The following FAM13B variants were observed in gnomAD, a reference collection of about 807,000 sequenced individuals.
The protein encoded by FAM13B is family with sequence similarity 13 member B.
FAM13B carries 60 observed loss-of-function variants against 117.3 expected under a neutral mutation model. That is an observed-to-expected ratio of 0.51 (90% CI 0.42 to 0.63). The LOEUF (loss-of-function observed/expected upper bound fraction) is 0.63. Ranked by LOEUF, FAM13B falls within the 30% of genes least tolerant of loss-of-function variation. The pLI, the probability that FAM13B is intolerant of heterozygous loss-of-function variation, is 0.00. For missense variants in FAM13B, 972 were observed against 1,091.9 expected (o/e 0.89, Z 1.55); for synonymous variants, 332 against 356.1 (o/e 0.93, Z 0.76).
intron 1 of FAM13B, chr5:138,038,527 A>C (rs1490510324): frequency 6.6e-6 from 1 of 152,250 alleles, no homozygotes; most frequent in East Asian, 1.9e-4. Flanking sequence ...CTAAAAACAC[A>C]TCAAATTTAA....
At chr5:137,983,226 T>G (rs1776331486) in intron 10 of FAM13B, among the ~76,000 whole-genome samples, 2 of 123,346 alleles carry the variant, frequency 1.6e-5, no homozygotes, top group African/African-American at 3.1e-5. Context: ...CCGAGTGAGA[T>G]ATCCTGAATG....
chr5:137,992,484 C>T (rs1471083470), intron 7 of FAM13B, among the ~76,000 whole-genome samples: 1 of 151,878 alleles, frequency 6.6e-6, no homozygotes, highest in African/African-American at 2.4e-5. Context: ...ATCCCAGCTA[C>T]TCGGGAGGCT....
chr5:137,964,996 G>GT (rs2150330275), intron 10 of FAM13B, among the ~76,000 whole-genome samples: 1 of 151,874 alleles, frequency 6.6e-6, no homozygotes, highest in East Asian at 1.9e-4. Flanking sequence ...GTGAAATCCC[G>GT]TCTACTAAAA....
intron 10 of FAM13B, among the ~76,000 whole-genome samples, chr5:137,976,810 A>G (rs181001828): frequency 2.5e-4 from 38 of 152,196 alleles, no homozygotes; most frequent in Non-Finnish European, 2.9e-5. Context: ...ACTGAGGAGG[A>G]TGTATTTCGC....
chr5:137,959,800 G>A (rs780442110), intron 12 of FAM13B, 37 bp from the exon 13 acceptor site: 32 of 1,601,058 alleles, frequency 2.0e-5, no homozygotes, highest in East Asian at 1.6e-4. Context: ...TCACAACTAC[G>A]GAAGCTTTTC....
chr5:137,950,630 C>A (rs367948020), intron 17 of FAM13B, among the ~76,000 whole-genome samples: 1 of 152,046 alleles, frequency 6.6e-6, no homozygotes, highest in East Asian at 1.9e-4. Context: ...ACCTCCTAGG[C>A]CTAAGTGGTC....
At chr5:137,983,646 A>T (rs1421414670) in intron 10 of FAM13B, among the ~76,000 whole-genome samples, 1 of 152,216 alleles carries the variant, frequency 6.6e-6, no homozygotes, top group Non-Finnish European at 1.5e-5. Context: ...GCAATAACTG[A>T]AAAGCTGTTC....
intron 1 of FAM13B, among the ~76,000 whole-genome samples, chr5:138,045,300 G>A (rs1791610293): frequency 6.6e-6 from 1 of 152,150 alleles, no homozygotes. Flanking sequence ...TTGGGAGGCT[G>A]AGGCAGGCAG....
At chr5:138,005,498 G>A (rs1782317786) in intron 7 of FAM13B, among the ~76,000 whole-genome samples, 1 of 151,458 alleles carries the variant, frequency 6.6e-6, no homozygotes, top group African/African-American at 2.4e-5. Context: ...GTACTGACAA[G>A]CTAGCTGAAA....
chr5:137,957,159 C>T (rs995643433), intron 13 of FAM13B, among the ~76,000 whole-genome samples: 1 of 152,166 alleles, frequency 6.6e-6, no homozygotes, highest in African/African-American at 2.4e-5. Flanking sequence ...TACAAAGAGT[C>T]ACATCAAACA....
chr5:138,031,851 A>G (rs1247744085), intron 1 of FAM13B, among the ~76,000 whole-genome samples: 1 of 152,170 alleles, frequency 6.6e-6, no homozygotes, highest in African/African-American at 2.4e-5. Context: ...ATAGCCTCAC[A>G]CTAACCCAGC....
intron 5 of FAM13B, among the ~76,000 whole-genome samples, chr5:138,011,427 T>G (rs1335785495): frequency 6.6e-6 from 1 of 152,144 alleles, no homozygotes; most frequent in Non-Finnish European, 1.5e-5. Context: ...TTTTTCTTTT[T>G]TTTTTTTATG....
At chr5:137,987,692 CCT>C in intron 8 of FAM13B, 76 bp from the exon 9 acceptor site, 3 of 1,394,206 alleles carry the variant, frequency 2.2e-6, no homozygotes, top group Non-Finnish European at 2.9e-6. Context: ...AATGCTAAAA[CCT>C]ATGACCAGTA....
chr5:137,963,587 G>A (rs1561464757), intron 10 of FAM13B, among the ~76,000 whole-genome samples: 1 of 152,160 alleles, frequency 6.6e-6, no homozygotes, highest in Non-Finnish European at 1.5e-5. Context: ...CAAAGTGTGA[G>A]AACCACTGAT....
At chr5:137,979,204 G>A (rs929439999) in intron 10 of FAM13B, among the ~76,000 whole-genome samples, 5 of 151,956 alleles carry the variant, frequency 3.3e-5, no homozygotes, top group Admixed American at 1.3e-4. Context: ...GTAGAGATGC[G>A]TTTTCACCAT....
chr5:138,033,000 G>C lies in FAM13B; in HGVS notation c.-421C>G. 1 of 986,392 alleles carries C rather than the reference G, an allele frequency of 1.0e-6. No homozygotes were observed. The highest frequency in any genetic ancestry group is 1.2e-6 in the Non-Finnish European group (1 of 830,680). The allele number at this position is 986,392 out of a possible 1,614,324, so 61.1% of individuals were successfully genotyped here. A position where few individuals can be genotyped will look rare whatever the true frequency, so the allele number is the denominator to read the frequency against. On this transcript the variant is annotated 5_prime_UTR_variant, in exon 1 of 24. Coordinates refer to ENST00000689681, the MANE Select transcript of FAM13B (RefSeq NM_001385994.1). ...CCGGCGGTGGTGGCGACGCAGACGC[G>C]GAACAGGGGGAGAGAGTGGCGACAG...
intron 1 of FAM13B, among the ~76,000 whole-genome samples, chr5:138,024,996 G>A (rs1197364972): frequency 1.3e-5 from 2 of 151,346 alleles, no homozygotes; most frequent in African/African-American, 4.9e-5. Context: ...TCAGCCTCCT[G>A]AGTAGTAGAG....
chr5:138,050,372 G>A (rs1215336791), intron 1 of FAM13B, among the ~76,000 whole-genome samples: 3 of 152,180 alleles, frequency 2.0e-5, no homozygotes, highest in African/African-American at 7.2e-5. Context: ...GGGAGGCGGA[G>A]GTTGCAGCAA....
At chr5:137,959,170 A>G (rs1170928311) in intron 13 of FAM13B, among the ~76,000 whole-genome samples, 1 of 152,168 alleles carries the variant, frequency 6.6e-6, no homozygotes, top group Non-Finnish European at 1.5e-5. Context: ...ATATGGTACA[A>G]TATTTGTTTA....
Sources: gnomAD v4.1 joint callset for allele counts (sites outside exome capture counted in the v4.1 genomes callset) on GRCh38, gnomAD v4.1.1 for gene constraint, MANE v1.5 for transcripts, NCBI Gene and HGNC (gene_info 2026-07-23, HGNC 2026-07-21) for gene names.